C8B: variants seen among roughly 807,000 people sequenced by gnomAD.
C8B encodes the protein complement C8 beta chain.
C8B carries 67 observed loss-of-function variants against 64.6 expected under a neutral mutation model. The observed-to-expected ratio is 1.04, with a 90% CI of 0.85 to 1.27. The LOEUF (loss-of-function observed/expected upper bound fraction) is 1.27. Among genes scored for constraint, C8B ranks in the 50% most tolerant of loss-of-function variants. The pLI is 0.00. For synonymous variants in C8B, 284 were observed against 257.7 expected (o/e 1.10, Z -0.98); for missense variants, 790 against 725.2 (o/e 1.09, Z -1.03).
intron 9 of C8B, among the ~76,000 whole-genome samples, chr1:56,934,839 A>G (rs1051251180): frequency 6.6e-6 from 1 of 152,166 alleles, no homozygotes; most frequent in Admixed American, 6.5e-5. Flanking sequence ...CTTTACACCA[A>G]TGAAGAGCTC....
chr1:56,929,354 C>A lies in C8B; in HGVS notation c.*50G>T. ...GTGTAGGGCTGAGCTGGCATGAGTT[C>A]TTGAGGGCTCAGGGCTCTCATTGTA... is the stretch of plus-strand genomic sequence containing the variant. On this transcript the variant is annotated 3_prime_UTR_variant, in exon 12 of 12. Transcript: ENST00000371237. The A allele has an allele frequency of 6.2e-7, 1 of 1,604,734 alleles. No homozygotes were observed. Among genetic ancestry groups the A allele is most frequent in the East Asian group, 2.2e-5 (1 of 44,842 alleles).
chr1:56,964,518 C>G (rs1437684446), intron 1 of C8B, among the ~76,000 whole-genome samples: 1 of 152,180 alleles, frequency 6.6e-6, no homozygotes, highest in African/African-American at 2.4e-5. Context: ...GTGCTGCTCC[C>G]TCTACCTGGC....
At chr1:56,964,249 C>G (rs758788311) in intron 1 of C8B, among the ~76,000 whole-genome samples, 3 of 152,198 alleles carry the variant, frequency 2.0e-5, no homozygotes, top group Non-Finnish European at 4.4e-5. Flanking sequence ...GAGTGAACTT[C>G]CTAATATATA....
At chr1:56,950,830 G>A (rs1002572328) in intron 5 of C8B, among the ~76,000 whole-genome samples, 6 of 152,288 alleles carry the variant, frequency 3.9e-5, no homozygotes, top group African/African-American at 4.8e-5. Flanking sequence ...CTGGCACAGC[G>A]CTCAAAGAAT....
intron 4 of C8B, among the ~76,000 whole-genome samples, chr1:56,953,630 C>T (rs1333877893): frequency 6.6e-6 from 1 of 152,230 alleles, no homozygotes; most frequent in African/African-American, 2.4e-5. Flanking sequence ...TAGTCACATT[C>T]ACTTGTTCAA....
chr1:56,946,208 T>G (rs1644940454), intron 6 of C8B, 147 bp from the exon 7 acceptor site: 2 of 919,692 alleles, frequency 2.2e-6, no homozygotes, highest in African/African-American at 3.3e-5. Context: ...GAAGACAGCC[T>G]CTTTGACAAG....
At chr1:56,933,532 T>C (rs768861912) in intron 9 of C8B, 44 bp from the exon 10 acceptor site, 1 of 1,570,212 alleles carries the variant, frequency 6.4e-7, no homozygotes, top group South Asian at 1.1e-5. Context: ...AAAACATTTA[T>C]CAAGTAGAAG....
intron 5 of C8B, among the ~76,000 whole-genome samples, chr1:56,950,250 T>C (rs561982861): frequency 1.3e-4 from 19 of 151,974 alleles, no homozygotes; most frequent in African/African-American, 4.6e-4. Flanking sequence ...CTCAGGAAGA[T>C]GATGTGGGAC....
At chr1:56,963,575 A>G (rs927213) in intron 1 of C8B, among the ~76,000 whole-genome samples, 115,631 of 136,598 alleles carry the variant, frequency 0.85, 47,593 homozygotes, top group South Asian at 0.94. Flanking sequence ...CACAATGTGG[A>G]GGTTGGGGGG....
At chr1:56,942,328 C>A (rs1298260061) in intron 8 of C8B, among the ~76,000 whole-genome samples, 1 of 152,202 alleles carries the variant, frequency 6.6e-6, no homozygotes, top group Non-Finnish European at 1.5e-5. Context: ...TTTTGACTTA[C>A]GGAGTTGCCC....
In C8B at chr1:56,954,735, A is replaced by AT. The variant is rs769601019; in HGVS notation, c.483dup (p.Cys162MetfsTer4). 1.2e-6 allele frequency: 2 copies of AT among 1,614,120 alleles called. No homozygotes were observed. The highest frequency in any genetic ancestry group is 3.3e-5 in the Admixed American group (2 of 60,018). On this transcript the variant is annotated frameshift_variant, in exon 4 of 12. Transcript: ENST00000371237. LOFTEE classifies it high-confidence loss of function. ...CAGTATTGGTCCATTTCATGCTGAC[A>AT]TTTTTTATAAATCCTTCTACAGTTT...
chr1:56,956,071 CAAT>C (rs1228155953), intron 3 of C8B, among the ~76,000 whole-genome samples: 1 of 152,016 alleles, frequency 6.6e-6, no homozygotes, highest in East Asian at 1.9e-4. Flanking sequence ...TTTTAATAAA[CAAT>C]AATTTTTACC....
At chr1:56,950,391 A>C (rs917822927) in intron 5 of C8B, among the ~76,000 whole-genome samples, 1 of 152,134 alleles carries the variant, frequency 6.6e-6, no homozygotes, top group Non-Finnish European at 1.5e-5. Flanking sequence ...ATCAAGTGAC[A>C]AGGGCAGGAA....
intron 9 of C8B, among the ~76,000 whole-genome samples, chr1:56,936,964 T>C (rs1644784794): frequency 6.6e-6 from 1 of 152,194 alleles, no homozygotes; most frequent in African/African-American, 2.4e-5. Flanking sequence ...ACATTGTCTT[T>C]CCAGGCATAT....
At chr1:56,963,042 T>C (rs894960969) in intron 1 of C8B, among the ~76,000 whole-genome samples, 2 of 152,246 alleles carry the variant, frequency 1.3e-5, no homozygotes, top group African/African-American at 4.8e-5. Context: ...CCCAATGTTT[T>C]GCGATTGCAA....
At chr1:56,941,501 G>GATAC (rs1403865460) in intron 8 of C8B, among the ~76,000 whole-genome samples, 61 of 33,550 alleles carry the variant, frequency 1.8e-3, no homozygotes, top group African/African-American at 5.8e-3. Flanking sequence ...ATAGTAGATA[G>GATAC]ATAGATACAT....
rs747253150 is a variant in C8B at position 56,965,873 on chromosome 1, T to C, written c.76A>G (p.Ser26Gly). Residue 26 changes from serine (S) to glycine (G), a missense_variant, in exon 1 of 12, where the codon AGT (serine) becomes GGT (glycine). Ser to Gly is a moderately conservative substitution (Grantham distance 56). Coordinates refer to ENST00000371237, the MANE Select transcript of C8B (RefSeq NM_000066.4). Reference protein sequence around the residue: ...FLLCAALGCLSLPGSRGERPH... With the variant: ...FLLCAALGCLGLPGSRGERPH... ...GTCACTTACCTGGAGCCAGGCAAACTGAGACAGCCCAGGGCAGCACAGAGA... is the reference window on the plus strand; with the variant it reads ...GTCACTTACCTGGAGCCAGGCAAACCGAGACAGCCCAGGGCAGCACAGAGA... 8.7e-6 allele frequency: 14 copies of C among 1,614,006 alleles called. No individual in the cohort carries two copies. The highest frequency in any genetic ancestry group is 5.9e-6 in the Non-Finnish European group (7 of 1,180,022).
intron 1 of C8B, 50 bp downstream of exon 1, chr1:56,965,807 C>T: frequency 6.3e-7 from 1 of 1,598,498 alleles, no homozygotes; most frequent in Non-Finnish European, 8.6e-7. Context: ...TGTGGCTGCA[C>T]CTTCCCTGTC....
rs531543522 is a variant in C8B, at chr1:56,956,333, C to T, written c.391+436G>A. Reference sequence around the variant, plus strand: ...ACAGACCTGTAAGGTATTCACATCACCCCTAATTTTCAGTTGAGGGAGCCA... The same window carrying T: ...ACAGACCTGTAAGGTATTCACATCATCCCTAATTTTCAGTTGAGGGAGCCA... On this transcript the variant is annotated intron_variant, in intron 3 of 11. Coordinates refer to ENST00000371237, the MANE Select transcript of C8B (RefSeq NM_000066.4). Among the ~76,000 whole-genome samples, 9 of 152,266 alleles carry T rather than the reference C, an allele frequency of 5.9e-5. No individual in the cohort carries two copies. The East Asian group carries it at 1.2e-3, about 20-fold the overall frequency.
Sources: allele counts gnomAD v4.1 joint callset (sites outside exome capture counted in the v4.1 genomes callset), GRCh38; gene constraint gnomAD v4.1.1; transcripts MANE v1.5; gene names NCBI Gene and HGNC (gene_info 2026-07-23, HGNC 2026-07-21).